SPMIP6: variants seen among roughly 807,000 people sequenced by gnomAD.
SPMIP6 encodes the protein sperm microtubule inner protein 6.
chr9:34,387,305 T>C, the SPMIP6 span, among the ~76,000 whole-genome samples: 3 of 152,132 alleles, frequency 2.0e-5, no homozygotes, highest in Admixed American at 2.0e-4. Flanking sequence ...CTGGCCCTTC[T>C]CTTGGCCAAG....
the SPMIP6 span, among the ~76,000 whole-genome samples, chr9:34,393,715 G>A: frequency 1.1e-4 from 16 of 151,838 alleles, no homozygotes; most frequent in African/African-American, 3.9e-4. Context: ...ATGTTTGTGG[G>A]ATCTTCTCAT....
the SPMIP6 span, chr9:34,379,904 C>T: frequency 3.5e-6 from 2 of 574,154 alleles, no homozygotes; most frequent in African/African-American, 3.8e-5. This position sits in a 1 kb window ranked among gnomAD's most constrained non-coding sequence, Gnocchi z 4.2. Context: ...ATTCGGGAAC[C>T]CCCCTTGGAA....
At chr9:34,396,308 A>G in the SPMIP6 span, among the ~76,000 whole-genome samples, 1 of 152,196 alleles carries the variant, frequency 6.6e-6, no homozygotes, top group Non-Finnish European at 1.5e-5. Flanking sequence ...TTTTGGAGTT[A>G]GACAAAATAA....
the SPMIP6 span, among the ~76,000 whole-genome samples, chr9:34,392,621 A>G: frequency 6.6e-6 from 1 of 152,162 alleles, no homozygotes; most frequent in Non-Finnish European, 1.5e-5. This position sits in a 1 kb window ranked among gnomAD's most constrained non-coding sequence, Gnocchi z 4.6. Context: ...ACTTTACACA[A>G]TTGTGGATAC....
At chr9:34,384,465 A>G in the SPMIP6 span, among the ~76,000 whole-genome samples, 22 of 152,208 alleles carry the variant, frequency 1.4e-4, no homozygotes, top group African/African-American at 5.1e-4. Flanking sequence ...TTAACATACA[A>G]AACAACATCA....
chr9:34,379,165 AGTGACTTGT>A, the SPMIP6 span: 2 of 1,613,122 alleles, frequency 1.2e-6, no homozygotes, highest in Non-Finnish European at 1.7e-6. The surrounding 1 kb of genome is among the most constrained non-coding windows in gnomAD (Gnocchi z 4.2). Flanking sequence ...GACTTCTTGA[AGTGACTTGT>A]GTCCCATCTA....
the SPMIP6 span, chr9:34,385,856 C>T: frequency 2.0e-6 from 3 of 1,499,886 alleles, no homozygotes; most frequent in Non-Finnish European, 2.7e-6. Context: ...GAACTAGATC[C>T]AGCCTCTCTT....
At chr9:34,392,442 CGT>C in the SPMIP6 span, among the ~76,000 whole-genome samples, 9,772 of 148,126 alleles carry the variant, frequency 0.066, 326 homozygotes, top group Middle Eastern at 0.11. This position sits in a 1 kb window ranked among gnomAD's most constrained non-coding sequence, Gnocchi z 4.6. Context: ...ATCTAAAAAC[CGT>C]GTGTGTGTGT....
the SPMIP6 span, chr9:34,379,510 A>C: frequency 1.5e-5 from 12 of 803,428 alleles, no homozygotes; most frequent in East Asian, 2.1e-4. The surrounding 1 kb of genome is among the most constrained non-coding windows in gnomAD (Gnocchi z 4.2). Flanking sequence ...CCATGCCACT[A>C]GCTCCCCCTC....
At chr9:34,380,935 G>A in the SPMIP6 span, 5 of 1,598,458 alleles carry the variant, frequency 3.1e-6, no homozygotes, top group East Asian at 6.7e-5. Flanking sequence ...GCCGCAGGCG[G>A]CGGTCGGTGC....
the SPMIP6 span, among the ~76,000 whole-genome samples, chr9:34,393,055 A>G: frequency 3.9e-5 from 6 of 152,214 alleles, no homozygotes; most frequent in Admixed American, 3.9e-4. Flanking sequence ...TCCAAATATC[A>G]TGCAGATTTC....
chr9:34,393,078 T>C, the SPMIP6 span, among the ~76,000 whole-genome samples: 1 of 152,200 alleles, frequency 6.6e-6, no homozygotes, highest in Non-Finnish European at 1.5e-5. Flanking sequence ...TCATGGCCAA[T>C]TAGGAAACAT....
chr9:34,382,826 G>A, the SPMIP6 span: 18 of 1,614,014 alleles, frequency 1.1e-5, no homozygotes, highest in African/African-American at 1.9e-4. Flanking sequence ...TCCTCCATGT[G>A]TTGTACCAGT....
the SPMIP6 span, among the ~76,000 whole-genome samples, chr9:34,391,884 A>C: frequency 6.6e-6 from 1 of 152,056 alleles, no homozygotes; most frequent in Non-Finnish European, 1.5e-5. Context: ...TTATATTGCG[A>C]GAGTTTTAGA....
the SPMIP6 span, chr9:34,380,625 A>G: frequency 6.6e-7 from 1 of 1,508,438 alleles, no homozygotes; most frequent in East Asian, 2.5e-5. Context: ...CCTCCAGAGC[A>G]TATAGAGAGG....
At chr9:34,389,834 T>C in the SPMIP6 span, 2 of 152,218 alleles carry the variant, frequency 1.3e-5, no homozygotes, top group Non-Finnish European at 2.9e-5. Flanking sequence ...GCTAGAATGA[T>C]GTATATTTTA....
the SPMIP6 span, among the ~76,000 whole-genome samples, chr9:34,382,280 T>A: frequency 6.6e-6 from 1 of 152,272 alleles, no homozygotes; most frequent in South Asian, 2.1e-4. Context: ...GGTTCCTTTT[T>A]CAACTAAAAA....
chr9:34,381,614 T>A, the SPMIP6 span: 1 of 1,436,528 alleles, frequency 7.0e-7, no homozygotes, highest in Non-Finnish European at 9.2e-7. The surrounding 1 kb of genome is among the most constrained non-coding windows in gnomAD (Gnocchi z 4.4). Context: ...GGCAACGCTT[T>A]TACATCGCCA....
the SPMIP6 span, among the ~76,000 whole-genome samples, chr9:34,383,781 G>T: frequency 6.6e-6 from 1 of 152,116 alleles, no homozygotes; most frequent in East Asian, 1.9e-4. Context: ...TACTTCACAG[G>T]GTTGCTGTGA....
Sources: allele counts gnomAD v4.1 joint callset (sites outside exome capture counted in the v4.1 genomes callset), GRCh38; gene constraint gnomAD v4.1.1; non-coding constraint Gnocchi (gnomAD v3.1); transcripts MANE v1.5; gene names NCBI Gene and HGNC (gene_info 2026-07-23, HGNC 2026-07-21).